TACR3: variants seen among roughly 807,000 people sequenced by gnomAD.
TACR3 encodes the protein tachykinin receptor 3, also known as neuromedin-K receptor.
Under a neutral mutation model 35.0 loss-of-function variants are expected in TACR3, and 34 were observed. The ratio of observed to expected loss-of-function variants is 0.97; its 90% CI spans 0.74 to 1.30. The LOEUF is 1.30. Among genes scored for constraint, TACR3 ranks in the 50% most tolerant of loss-of-function variants. The probability of loss-of-function intolerance (pLI) is 0.00; values close to 1 mark genes in which losing one functional copy is unlikely to be tolerated. For missense variants in TACR3, 558 were observed against 591.7 expected, an observed-to-expected ratio of 0.94 and a Z score of 0.59; for synonymous variants, 233 against 221.1, an observed-to-expected ratio of 1.05 and a Z score of -0.48.
intron 3 of TACR3, among the ~76,000 whole-genome samples, chr4:103,630,923 A>G (rs1725042840): frequency 6.6e-6 from 1 of 152,222 alleles, no homozygotes; most frequent in African/African-American, 2.4e-5. Context: ...AAGACTTGGA[A>G]CCAACCCAAA....
intron 3 of TACR3, among the ~76,000 whole-genome samples, chr4:103,626,387 C>G (rs1169240513): frequency 6.6e-6 from 1 of 152,204 alleles, no homozygotes; most frequent in East Asian, 1.9e-4. Flanking sequence ...ACAAAAAAGC[C>G]TGTCCTTTAT....
chr4:103,657,664 A>G (rs546562042), intron 2 of TACR3, among the ~76,000 whole-genome samples: 29 of 152,244 alleles, frequency 1.9e-4, no homozygotes, highest in Middle Eastern at 3.4e-3. Flanking sequence ...TTCTTGCTCT[A>G]TTTAATGTGG....
intron 3 of TACR3, among the ~76,000 whole-genome samples, chr4:103,611,313 AG>A (rs1724506251): frequency 6.6e-6 from 1 of 152,102 alleles, no homozygotes; most frequent in Non-Finnish European, 1.5e-5. Context: ...AATGTTTCAT[AG>A]TTTTTATTGT....
intron 1 of TACR3, among the ~76,000 whole-genome samples, chr4:103,700,257 G>T (rs757148190): frequency 6.6e-6 from 1 of 152,070 alleles, no homozygotes; most frequent in African/African-American, 2.4e-5. Flanking sequence ...GGGAAGAAAT[G>T]TGCACAACTG....
intron 3 of TACR3, among the ~76,000 whole-genome samples, chr4:103,626,632 A>G (rs1415525645): frequency 1.3e-5 from 2 of 152,164 alleles, no homozygotes; most frequent in African/African-American, 2.4e-5. Context: ...TGGCCAGGTA[A>G]TTTATATTTG....
chr4:103,625,266 G>A (rs183248565), intron 3 of TACR3, among the ~76,000 whole-genome samples: 8 of 152,248 alleles, frequency 5.3e-5, no homozygotes, highest in South Asian at 2.1e-4. Context: ...GGTATAAAAC[G>A]TGTAAGGACT....
intron 3 of TACR3, among the ~76,000 whole-genome samples, chr4:103,609,109 T>C (rs1345700420): frequency 1.3e-5 from 2 of 152,184 alleles, no homozygotes; most frequent in South Asian, 2.1e-4. Flanking sequence ...ATATGAAGTG[T>C]GTAATAGGGA....
chr4:103,640,553 G>T (rs1172337510), intron 3 of TACR3, among the ~76,000 whole-genome samples: 1 of 151,784 alleles, frequency 6.6e-6, no homozygotes, highest in Non-Finnish European at 1.5e-5. Context: ...AATTCCTTAT[G>T]TATTTTGGAT....
At chr4:103,597,417 C>T (rs28881866) in intron 3 of TACR3, among the ~76,000 whole-genome samples, 1 of 152,126 alleles carries the variant, frequency 6.6e-6, no homozygotes, top group African/African-American at 2.4e-5. Flanking sequence ...AAACAAAACA[C>T]AACAAAACTG....
chr4:103,603,446 C>T (rs1444244997), intron 3 of TACR3, among the ~76,000 whole-genome samples: 1 of 152,234 alleles, frequency 6.6e-6, no homozygotes, highest in Non-Finnish European at 1.5e-5. Context: ...GAACCCGGTA[C>T]CTCAGTTGGA....
chr4:103,668,863 AG>A (rs1276640296), intron 1 of TACR3, among the ~76,000 whole-genome samples: 2 of 151,410 alleles, frequency 1.3e-5, no homozygotes, highest in African/African-American at 4.9e-5. Flanking sequence ...AAAAAAAAAA[AG>A]TCGTATGTAT....
intron 3 of TACR3, among the ~76,000 whole-genome samples, chr4:103,642,235 G>GTA (rs1234156250): frequency 6.7e-6 from 1 of 150,250 alleles, no homozygotes; most frequent in African/African-American, 2.4e-5. Context: ...TAATCACATT[G>GTA]TATATATATA....
intron 1 of TACR3, among the ~76,000 whole-genome samples, chr4:103,692,908 T>G (rs954279125): frequency 3.3e-5 from 5 of 152,164 alleles, no homozygotes; most frequent in African/African-American, 1.2e-4. Flanking sequence ...CATGTGAATA[T>G]TCAGGTTATT....
At chr4:103,713,461 G>A (rs950396059) in intron 1 of TACR3, among the ~76,000 whole-genome samples, 1 of 118,446 alleles carries the variant, frequency 8.4e-6, no homozygotes, top group Admixed American at 1.0e-4. Flanking sequence ...ATCACACACT[G>A]GGGCCTGTCA....
intron 1 of TACR3, among the ~76,000 whole-genome samples, chr4:103,660,336 G>A (rs550249177): frequency 2.0e-5 from 3 of 152,074 alleles, no homozygotes; most frequent in East Asian, 3.9e-4. Flanking sequence ...AATATATGTA[G>A]TATCTAAAAG....
chr4:103,640,427 A>AG (rs1725329461), intron 3 of TACR3, among the ~76,000 whole-genome samples: 1 of 125,620 alleles, frequency 8.0e-6, no homozygotes, highest in Non-Finnish European at 1.7e-5. Context: ...TGATGTAGAG[A>AG]GTTTTTTTTC....
chr4:103,690,550 C>T (rs192803382), intron 1 of TACR3, among the ~76,000 whole-genome samples: 21 of 152,100 alleles, frequency 1.4e-4, no homozygotes, highest in Admixed American at 6.6e-4. Context: ...TAGTTATAGA[C>T]GTCAATAAAC....
chr4:103,697,440 T>G (rs1722545866), intron 1 of TACR3, among the ~76,000 whole-genome samples: 1 of 147,732 alleles, frequency 6.8e-6, no homozygotes. Context: ...ATTTATTTAT[T>G]TTGAGACGGA....
intron 3 of TACR3, among the ~76,000 whole-genome samples, chr4:103,637,050 T>A (rs1258037891): frequency 1.3e-5 from 2 of 152,062 alleles, no homozygotes; most frequent in East Asian, 3.9e-4. Context: ...ACTATTCCAA[T>A]CAATAGCAAA....
Sources: gnomAD v4.1 joint callset for allele counts (sites outside exome capture counted in the v4.1 genomes callset) on GRCh38, gnomAD v4.1.1 for gene constraint, MANE v1.5 for transcripts, NCBI Gene and HGNC (gene_info 2026-07-23, HGNC 2026-07-21) for gene names.